The following TNC variants were observed in gnomAD, a reference collection of about 807,000 sequenced individuals.
TNC encodes tenascin.
TNC carries 109 observed loss-of-function variants against 202.4 expected under a neutral mutation model. The ratio of observed to expected loss-of-function variants is 0.54; its 90% CI spans 0.46 to 0.63. The LOEUF (loss-of-function observed/expected upper bound fraction) is 0.63. TNC is among the 30% of genes least tolerant of loss of function. The pLI is 0.00. For synonymous variants in TNC, 1,007 were observed against 1,089.7 expected, an observed-to-expected ratio of 0.92 and a Z score of 1.50; for missense variants, 2,756 against 2,833.3, an observed-to-expected ratio of 0.97 and a Z score of 0.62.
At chr9:115,032,483 A>G (rs574804566) in intron 22 of TNC, among the ~76,000 whole-genome samples, 325 of 152,302 alleles carry the variant, frequency 2.1e-3, no homozygotes, top group Non-Finnish European at 3.6e-3. Flanking sequence ...CACACAGGGT[A>G]AGGGACTTTG....
Position 115,063,997 on chromosome 9 carries a change from C to T in TNC, c.3559G>A (p.Ala1187Thr). The T allele has an allele frequency of 1.2e-6, 2 of 1,614,030 alleles. No individual in the cohort carries two copies. The highest frequency in any genetic ancestry group is 1.7e-6 in the Non-Finnish European group (2 of 1,179,986). ...AAGTACTCATAGGCCCCTTCTGGAGCAGTCCAGTTGAGTTTGAGGGCATCC... is the reference window on the plus strand; with the variant it reads ...AAGTACTCATAGGCCCCTTCTGGAGTAGTCCAGTTGAGTTTGAGGGCATCC... ...GWDALKLNWT[A>T]PEGAYEYFFI... Residue 1187 changes from alanine (A) to threonine (T), a missense_variant, in exon 12 of 28, where the codon GCT (alanine) becomes ACT (threonine). By Grantham distance (58) the Ala-to-Thr change is moderately conservative. Around this residue, in one of 2 missense-constraint regions of TNC, gnomAD observed 2,559 missense variants for 2,546.0 expected, o/e 1.01. Coordinates refer to ENST00000350763, the MANE Select transcript of TNC (RefSeq NM_002160.4).
chr9:115,078,098 T>G lies in TNC; in HGVS notation c.2519A>C (p.Lys840Thr), dbSNP rs749001831. The G allele has an allele frequency of 1.2e-6, 2 of 1,614,218 alleles. No homozygotes were observed. The highest frequency in any genetic ancestry group is 1.7e-6 in the Non-Finnish European group (2 of 1,180,032). ...IDGIELTYGI[K>T]DVPGDRTTID... is the part of the protein sequence containing the mutation. ...GGTGGTACGGTCTCCTGGCACGTCT[T>G]TGATGCCGTAGGTCAGCTCAATGCC... Residue 840 changes from lysine to threonine, a missense_variant, in exon 7 of 28, where the codon AAA (lysine) becomes ACA (threonine). Transcript: ENST00000350763.
chr9:115,087,698 C>CTTTTTTTTT (rs752435283), intron 2 of TNC, among the ~76,000 whole-genome samples: 17 of 119,734 alleles, frequency 1.4e-4, no homozygotes, highest in South Asian at 5.3e-4. Context: ...TCTTTCTTTT[C>CTTTTTTTTT]TTTTTTTTTT....
intron 19 of TNC, 53 bp from the exon 20 acceptor site, chr9:115,038,433 T>C: frequency 6.3e-7 from 1 of 1,597,860 alleles, no homozygotes; most frequent in Non-Finnish European, 8.5e-7. Context: ...GACATCAGAC[T>C]CTAGCTGCTC....
chr9:115,082,003 C>A, intron 5 of TNC, 75 bp from the exon 6 acceptor site: 1 of 1,353,160 alleles, frequency 7.4e-7, no homozygotes, highest in South Asian at 1.4e-5. Flanking sequence ...ATTCACTCTG[C>A]ATTCATTCAT....
At chr9:115,109,050 A>G (rs1199917614) in intron 1 of TNC, among the ~76,000 whole-genome samples, 1 of 152,216 alleles carries the variant, frequency 6.6e-6, no homozygotes, top group East Asian at 1.9e-4. Flanking sequence ...TATGTATTGA[A>G]TGGACATATG....
Position 115,049,733 on chromosome 9 carries a change from C to G in TNC, c.4580-1201G>C, listed in dbSNP as rs929032105. ...GACAGGAATTTCAAATTAGCTGCAT[C>G]TAGTTTAGACACTTCTTTTCCATTA... On this transcript the variant is annotated intron_variant, in intron 15 of 27. Coordinates refer to ENST00000350763, the MANE Select transcript of TNC (RefSeq NM_002160.4). Among the ~76,000 whole-genome samples the G allele has an allele frequency of 2.0e-5, 3 of 149,632 alleles. No homozygotes were observed. In the South Asian group the frequency reaches 6.3e-4, roughly 31 times the overall value.
chr9:115,047,768 G>A (rs1831315781), intron 16 of TNC, among the ~76,000 whole-genome samples: 1 of 152,148 alleles, frequency 6.6e-6, no homozygotes, highest in South Asian at 2.1e-4. Context: ...GTGTTGCAGA[G>A]TCTCTCTGAT....
At chr9:115,092,983 T>G (rs1037558312) in intron 1 of TNC, among the ~76,000 whole-genome samples, 1 of 152,200 alleles carries the variant, frequency 6.6e-6, no homozygotes, top group Non-Finnish European at 1.5e-5. Context: ...TTATGTCAAT[T>G]AGTGGTGGTG....
intron 15 of TNC, chr9:115,053,064 A>T (rs1831829607): frequency 1.5e-6 from 1 of 671,718 alleles, no homozygotes; most frequent in African/African-American, 1.8e-5. Flanking sequence ...TTATTAGAGG[A>T]AGCAGTGGAT....
chr9:115,030,157 A>C lies in TNC; in HGVS notation c.6072+97T>G, dbSNP rs1003318890. ...AAGGCCTCACACATGGGGGTGTCAGAGTGCATCAGGAGGAGATCACCCTCT... is the reference window on the plus strand; with the variant it reads ...AAGGCCTCACACATGGGGGTGTCAGCGTGCATCAGGAGGAGATCACCCTCT... On this transcript the variant is annotated intron_variant, in intron 24 of 27. Transcript: ENST00000350763. 4.7e-6 allele frequency: 6 copies of C among 1,273,376 alleles called. No homozygotes were observed. In the African/African-American group the frequency reaches 8.9e-5, roughly 19 times the overall value. 78.9% of individuals were successfully genotyped at this position (1,273,376 alleles called of 1,614,324 possible).
chr9:115,034,408 C>T (rs1172666392), intron 22 of TNC, among the ~76,000 whole-genome samples: 1 of 152,202 alleles, frequency 6.6e-6, no homozygotes, highest in Non-Finnish European at 1.5e-5. Flanking sequence ...CCATGATCAA[C>T]AGACATTGGG....
intron 10 of TNC, among the ~76,000 whole-genome samples, chr9:115,071,203 G>C (rs189637463): frequency 1.2e-3 from 178 of 152,340 alleles, no homozygotes; most frequent in African/African-American, 4.1e-3. Flanking sequence ...AATTCAAGGA[G>C]GGAAAGAAGC....
chr9:115,030,125 A>C, intron 24 of TNC, 129 bp downstream of exon 24: 1 of 954,138 alleles, frequency 1.0e-6, no homozygotes, highest in Non-Finnish European at 1.5e-6. Flanking sequence ...GACAGGCACT[A>C]TCTTGCAAGG....
intron 20 of TNC, 126 bp from the exon 21 acceptor site, chr9:115,036,367 T>C (rs1260598262): frequency 9.5e-7 from 1 of 1,048,138 alleles, no homozygotes; most frequent in Admixed American, 2.1e-5. Flanking sequence ...GAAAAGCAGG[T>C]CTGATTTCTG....
intron 16 of TNC, among the ~76,000 whole-genome samples, chr9:115,047,472 C>G (rs1831293002): frequency 6.6e-6 from 1 of 152,080 alleles, no homozygotes; most frequent in East Asian, 1.9e-4. Context: ...TAAAAAGTAT[C>G]CTTTGTCAAA....
chr9:115,071,067 C>T (rs1054823193), intron 10 of TNC, among the ~76,000 whole-genome samples: 2 of 152,134 alleles, frequency 1.3e-5, no homozygotes, highest in Admixed American at 6.5e-5. Flanking sequence ...TCTGTTTGTT[C>T]GCTACACAGT....
chr9:115,023,930 C>T (rs1249736165), intron 27 of TNC, 43 bp downstream of exon 27: 14 of 1,591,484 alleles, frequency 8.8e-6, no homozygotes, highest in Non-Finnish European at 1.1e-5. Context: ...CCCCCTCCAG[C>T]TTCCCAAGCT....
At chr9:115,033,243 A>T (rs1830077770) in intron 22 of TNC, among the ~76,000 whole-genome samples, 1 of 152,086 alleles carries the variant, frequency 6.6e-6, no homozygotes, top group Non-Finnish European at 1.5e-5. Context: ...AGACATGTAA[A>T]GCTGGTGAAT....
Sources: allele counts gnomAD v4.1 joint callset (sites outside exome capture counted in the v4.1 genomes callset), GRCh38; gene constraint gnomAD v4.1.1; regional missense constraint gnomAD v4.1.1; transcripts MANE v1.5; gene names NCBI Gene and HGNC (gene_info 2026-07-23, HGNC 2026-07-21).